Variants in DAB1 observed in about 807,000 individuals in gnomAD.
DAB1 encodes the protein DAB adaptor protein 1.
Under a neutral mutation model 64.6 loss-of-function variants are expected in DAB1, and 15 were observed. That is an observed-to-expected ratio of 0.23 (90% confidence interval 0.16 to 0.36). The LOEUF (loss-of-function observed/expected upper bound fraction) is 0.36. Ranked by LOEUF, DAB1 falls within the 10% of genes least tolerant of loss-of-function variation. The probability of loss-of-function intolerance (pLI) is 1.00; values close to 1 mark genes in which losing one functional copy is unlikely to be tolerated. For missense variants in DAB1, 596 were observed against 706.7 expected (o/e 0.84, Z 1.78); for synonymous variants, 235 against 251.9 (o/e 0.93, Z 0.64).
intron 7 of DAB1, among the ~76,000 whole-genome samples, chr1:57,429,835 T>G (rs546383870): frequency 7.4e-4 from 112 of 152,296 alleles, no homozygotes; most frequent in African/African-American, 2.6e-3. Flanking sequence ...CTATTCTGTT[T>G]CATTGGTCTA....
chr1:57,727,766 T>TTC (rs1647247041), intron 6 of DAB1, among the ~76,000 whole-genome samples: 1 of 151,810 alleles, frequency 6.6e-6, no homozygotes, highest in African/African-American at 2.4e-5. Context: ...CCTCTCTTCC[T>TTC]CTCTCCCCTT....
At chr1:57,874,467 C>T (rs17519924) in intron 1 of DAB1, 36,567 of 152,012 alleles carry the variant, frequency 0.24, 5,145 homozygotes, top group Non-Finnish European at 0.32. Context: ...CCACTCTAGA[C>T]GGTAGCCAGG....
chr1:57,907,634 T>G (rs1158993122), intron 5 of DAB1, among the ~76,000 whole-genome samples: 1 of 152,090 alleles, frequency 6.6e-6, no homozygotes, highest in Admixed American at 6.6e-5. Flanking sequence ...CTAAGAGAAG[T>G]TAATCCCCTG....
At chr1:57,604,671 C>T (rs766253621) in intron 7 of DAB1, among the ~76,000 whole-genome samples, 1 of 152,192 alleles carries the variant, frequency 6.6e-6, no homozygotes, top group Non-Finnish European at 1.5e-5. Flanking sequence ...TATTCAACCT[C>T]TCCAGGTGTT....
At chr1:58,121,793 G>A (rs1447279112) in intron 5 of DAB1, among the ~76,000 whole-genome samples, 2 of 152,134 alleles carry the variant, frequency 1.3e-5, no homozygotes, top group Non-Finnish European at 2.9e-5. Context: ...GAATGTACAT[G>A]CATACATATA....
intron 5 of DAB1, among the ~76,000 whole-genome samples, chr1:58,130,820 G>C (rs1653503093): frequency 6.6e-6 from 1 of 152,178 alleles, no homozygotes; most frequent in Non-Finnish European, 1.5e-5. Context: ...TTTCTGCCGA[G>C]AGATCCGCCG....
At chr1:57,955,576 A>T (rs926458392) in intron 5 of DAB1, among the ~76,000 whole-genome samples, 1 of 152,208 alleles carries the variant, frequency 6.6e-6, no homozygotes, top group Non-Finnish European at 1.5e-5. Context: ...GCTTACAAAG[A>T]AAAGTGTAGA....
rs539900911 is a variant in DAB1, at chr1:58,054,895, G to A, written n.387+95616C>T. On this transcript the variant is annotated intron_variant and non_coding_transcript_variant, in intron 5 of 20. Transcript: ENST00000485760. ...ATTCTGTGTGAAAAGATGACAACCC[G>A]CTGTCAAGCAATGGTCCAGCACAGC... Among the ~76,000 whole-genome samples the A allele has an allele frequency of 9.2e-5, 14 of 152,260 alleles. No individual in the cohort carries two copies. The South Asian group carries it at 2.7e-3, about 29-fold the overall frequency.
At chr1:57,213,015 G>A (rs1436404343) in intron 2 of DAB1, among the ~76,000 whole-genome samples, 2 of 152,186 alleles carry the variant, frequency 1.3e-5, no homozygotes, top group Non-Finnish European at 2.9e-5. Flanking sequence ...GAGGACAATA[G>A]AGGCAGAAGG....
chr1:57,867,040 C>T (rs977524554), intron 1 of DAB1: 1 of 152,164 alleles, frequency 6.6e-6, no homozygotes, highest in Non-Finnish European at 1.5e-5. Flanking sequence ...GCAGGAATCA[C>T]CACACCTACT....
intron 1 of DAB1, among the ~76,000 whole-genome samples, chr1:57,402,453 T>G (rs1414731325): frequency 6.6e-6 from 1 of 152,180 alleles, no homozygotes; most frequent in Non-Finnish European, 1.5e-5. Context: ...GTGAGTCCTT[T>G]TTTGTAATTA....
chr1:58,111,822 T>G lies in DAB1; in HGVS notation n.387+38689A>C, dbSNP rs151093761. ...CTCTGAACTGCCCTCCATGGTTCCC[T>G]TCTTGCTCTTACTATAATCCTTTCT... On this transcript the variant is annotated intron_variant and non_coding_transcript_variant, in intron 5 of 20. Coordinates refer to the DAB1 transcript ENST00000485760. 4.6e-5 allele frequency among the ~76,000 whole-genome samples: 7 copies of G among 152,316 alleles called. No individual in the cohort carries two copies. The East Asian group carries it at 1.2e-3, about 25-fold the overall frequency.
At chr1:57,790,041 C>T (rs1168802659) in intron 6 of DAB1, among the ~76,000 whole-genome samples, 1 of 152,112 alleles carries the variant, frequency 6.6e-6, no homozygotes, top group Admixed American at 6.5e-5. Flanking sequence ...AGAGGGAAAG[C>T]CATAGAAGCA....
chr1:57,258,219 C>G (rs544416332), intron 2 of DAB1, among the ~76,000 whole-genome samples: 1 of 152,092 alleles, frequency 6.6e-6, no homozygotes, highest in Non-Finnish European at 1.5e-5. Flanking sequence ...GCAGTAGGGA[C>G]GCAAGCATTA....
Position 58,276,152 on chromosome 1 carries a change from G to C in DAB1, n.309+67200C>G, listed in dbSNP as rs1262998794. Among the ~76,000 whole-genome samples the C allele has an allele frequency of 2.6e-5, 4 of 152,184 alleles. No individual in the cohort carries two copies. The East Asian group carries it at 7.7e-4, about 29-fold the overall frequency. On this transcript the variant is annotated intron_variant and non_coding_transcript_variant, in intron 4 of 20. Coordinates refer to the DAB1 transcript ENST00000485760. ...CAGAAAATAGAATGGTGGTTGCCAA[G>C]GGCTGTGGGGAAGGAGTGGAGAGTT...
intron 9 of DAB1, among the ~76,000 whole-genome samples, chr1:57,042,078 G>A (rs978866087): frequency 6.6e-6 from 1 of 152,120 alleles, no homozygotes; most frequent in Admixed American, 6.6e-5. Flanking sequence ...CAAGGAAACA[G>A]GCTCAAAGGA....
chr1:58,433,379 G>A (rs1285411541), intron 3 of DAB1, among the ~76,000 whole-genome samples: 1 of 152,084 alleles, frequency 6.6e-6, no homozygotes, highest in Non-Finnish European at 1.5e-5. Context: ...GAAGTGGGGG[G>A]TGTCTTAGTT....
At chr1:57,837,414 C>T (rs1336410001) in intron 1 of DAB1, among the ~76,000 whole-genome samples, 1 of 152,110 alleles carries the variant, frequency 6.6e-6, no homozygotes, top group South Asian at 2.1e-4. Context: ...GGTTGTGTTT[C>T]TTTGGCCTGA....
intron 12 of DAB1, 81 bp downstream of exon 12, chr1:57,014,797 ATGAGT>A: frequency 9.1e-7 from 1 of 1,102,978 alleles, no homozygotes; most frequent in South Asian, 1.7e-5. Flanking sequence ...TGCAAGTGAG[ATGAGT>A]TATTTGACTC....
Sources: gnomAD v4.1 joint callset for allele counts (sites outside exome capture counted in the v4.1 genomes callset) on GRCh38, gnomAD v4.1.1 for gene constraint, MANE v1.5 for transcripts, NCBI Gene and HGNC (gene_info 2026-07-23, HGNC 2026-07-21) for gene names.